The following PYGL variants were observed in gnomAD, a reference collection of about 807,000 sequenced individuals.
The protein encoded by PYGL is glycogen phosphorylase L.
PYGL carries 90 observed loss-of-function variants against 100.1 expected under a neutral mutation model. The ratio of observed to expected loss-of-function variants is 0.90; its 90% CI spans 0.76 to 1.07. The LOEUF is 1.07. Ranked by LOEUF, PYGL falls within the 50% of genes least tolerant of loss-of-function variation. The pLI is 0.00. For synonymous variants in PYGL, 373 were observed against 393.0 expected, an observed-to-expected ratio of 0.95 and a Z score of 0.60; for missense variants, 1,016 against 1,057.6, an observed-to-expected ratio of 0.96 and a Z score of 0.55.
At chr14:50,912,924 A>T (rs763155277) in intron 13 of PYGL, 105 bp downstream of exon 13, 25 of 1,068,572 alleles carry the variant, frequency 2.3e-5, no homozygotes, top group Non-Finnish European at 3.4e-5. Flanking sequence ...ACTGCACTCC[A>T]GCCTGGGCAA....
chr14:50,936,724 G>T (rs2050656205), intron 2 of PYGL, among the ~76,000 whole-genome samples: 1 of 151,932 alleles, frequency 6.6e-6, no homozygotes, highest in Non-Finnish European at 1.5e-5. Flanking sequence ...CTGGGAGGTG[G>T]AGATTGCAGG....
intron 13 of PYGL, 151 bp from the exon 14 acceptor site, chr14:50,912,454 A>G (rs374613912): frequency 9.0e-5 from 80 of 891,328 alleles, no homozygotes; most frequent in African/African-American, 8.1e-4. Flanking sequence ...CACCTCCCAC[A>G]TTCAAGCGAT....
chr14:50,907,471 C>G (rs933392504), intron 19 of PYGL, among the ~76,000 whole-genome samples: 1 of 152,124 alleles, frequency 6.6e-6, no homozygotes, highest in Non-Finnish European at 1.5e-5. Flanking sequence ...AGTGCGGGGG[C>G]TGGCATCTGT....
At chr14:50,906,305 A>T (rs2050336156) in intron 19 of PYGL, among the ~76,000 whole-genome samples, 1 of 152,242 alleles carries the variant, frequency 6.6e-6, no homozygotes, top group South Asian at 2.1e-4. Context: ...AATGCTTACG[A>T]GAAAGACTAA....
intron 5 of PYGL, chr14:50,921,398 CTT>C (rs765035529): frequency 1.8e-3 from 361 of 201,202 alleles, no homozygotes; most frequent in South Asian, 3.8e-3. Context: ...AAAAGTTTAT[CTT>C]TTTTTTTTTT....
At position 50,913,066 on chromosome 14, in the gene PYGL, T is replaced by C. The variant is rs772635162; in HGVS notation, c.1583A>G (p.Asp528Gly). Reference protein sequence around the residue: ...QLTKLHSFLGDDVFLRELAKV... With the variant: ...QLTKLHSFLGGDVFLRELAKV... The stretch of plus-strand genomic sequence containing the variant: ...GGCGAGTTCCCGGAGGAAGACATCA[T>C]CACCCAGGAAGCTGTGGAGCTTCGT... The change falls in exon 13 of 20, where the codon GAT (aspartate) becomes GGT (glycine). Residue 528 changes from aspartate (D) to glycine (G), a missense_variant. Physicochemically the swap from Asp to Gly is moderately conservative, Grantham distance 94 (BLOSUM62 -1). Transcript: ENST00000216392. 1 of 1,614,008 alleles carries C rather than the reference T, an allele frequency of 6.2e-7. No homozygotes were observed. The highest frequency in any genetic ancestry group is 1.1e-5 in the South Asian group (1 of 91,086).
chr14:50,913,626 G>A lies in PYGL; in HGVS notation c.1519-496C>T, dbSNP rs575337260. ...CCTGACCTTGTGATCTGCCCTCCTCGGCCTCCCAAAGTGCTGGGATTACAC... is the reference window on the plus strand; with the variant it reads ...CCTGACCTTGTGATCTGCCCTCCTCAGCCTCCCAAAGTGCTGGGATTACAC... On this transcript the variant is annotated intron_variant, in intron 12 of 19. Coordinates refer to ENST00000216392, the MANE Select transcript of PYGL (RefSeq NM_002863.5). Among the ~76,000 whole-genome samples the A allele has an allele frequency of 1.6e-4, 25 of 151,940 alleles. 1 individual carries two copies. The South Asian group carries it at 4.8e-3, about 29-fold the overall frequency.
intron 4 of PYGL, among the ~76,000 whole-genome samples, chr14:50,925,754 T>C (rs980746203): frequency 6.6e-6 from 1 of 152,172 alleles, no homozygotes; most frequent in African/African-American, 2.4e-5. Flanking sequence ...TAATGATGAA[T>C]GGAAATGGGA....
chr14:50,926,193 A>T (rs1213535560), intron 4 of PYGL, among the ~76,000 whole-genome samples: 2 of 152,076 alleles, frequency 1.3e-5, no homozygotes, highest in East Asian at 3.9e-4. Flanking sequence ...TCTAAAAAAA[A>T]TTTAAAAATT....
chr14:50,913,244 C>T (rs938588292), intron 12 of PYGL, 114 bp from the exon 13 acceptor site: 4 of 818,860 alleles, frequency 4.9e-6, no homozygotes, highest in Middle Eastern at 2.2e-4. Context: ...TCACGTATCA[C>T]ACAGAACATG....
Position 50,944,397 on chromosome 14 carries a change from T to C in PYGL, c.7A>G (p.Lys3Glu). Residue 3 changes from lysine to glutamate, a missense_variant, in exon 1 of 20, where the codon AAG (lysine) becomes GAG (glutamate). Lys to Glu is a moderately conservative substitution (Grantham distance 56). Transcript: ENST00000216392. ...CGCTTCTCCTGGTCCGTCAGGGGCT[T>C]CGCCATGGCTGGGGCGGCGGGCTGC... Reference protein sequence around the residue: MAKPLTDQEKRRQ... With the variant: MAEPLTDQEKRRQ... 1 of 1,610,934 alleles carries C rather than the reference T, an allele frequency of 6.2e-7. No homozygotes were observed. The highest frequency in any genetic ancestry group is 8.5e-7 in the Non-Finnish European group (1 of 1,179,104).
At chr14:50,917,489 T>C (rs531717943) in intron 7 of PYGL, among the ~76,000 whole-genome samples, 22 of 152,254 alleles carry the variant, frequency 1.4e-4, no homozygotes, top group African/African-American at 5.1e-4. Flanking sequence ...GGCTCAGGAA[T>C]TGGTAGTACC....
chr14:50,919,911 T>C (rs2050485470), intron 7 of PYGL, among the ~76,000 whole-genome samples: 2 of 152,164 alleles, frequency 1.3e-5, no homozygotes, highest in Admixed American at 1.3e-4. Context: ...CTCGAACTTC[T>C]GGCCTCAAAT....
chr14:50,929,160 C>T (rs1454071316), intron 4 of PYGL, among the ~76,000 whole-genome samples: 1 of 152,138 alleles, frequency 6.6e-6, no homozygotes, highest in Non-Finnish European at 1.5e-5. Flanking sequence ...AAGTGATTCT[C>T]CTGCCTCAGC....
At chr14:50,907,178 A>T (rs1489298793) in intron 19 of PYGL, among the ~76,000 whole-genome samples, 2 of 152,192 alleles carry the variant, frequency 1.3e-5, no homozygotes, top group African/African-American at 4.8e-5. Flanking sequence ...GCTTATTCAC[A>T]TGGCTCTACC....
At chr14:50,914,562 ATG>A in intron 12 of PYGL, 137 bp downstream of exon 12, 1 of 685,608 alleles carries the variant, frequency 1.5e-6, no homozygotes, top group Non-Finnish European at 2.7e-6. Context: ...TAAACCCAGC[ATG>A]GAGTCCTGTG....
chr14:50,937,792 G>T lies in PYGL; in HGVS notation c.289C>A (p.Gln97Lys). ...AGACCGAGGTTGATCATGGTGTTCTGTAATGTTCGGCCCATGTAAAATTCC... is the reference window on the plus strand; with the variant it reads ...AGACCGAGGTTGATCATGGTGTTCTTTAATGTTCGGCCCATGTAAAATTCC... ...SLEFYMGRTLQNTMINLGLQN... is the reference protein window; with the variant it reads ...SLEFYMGRTLKNTMINLGLQN... Residue 97 changes from glutamine to lysine, a missense_variant, in exon 2 of 20, where the codon CAG (glutamine) becomes AAG (lysine). Coordinates refer to ENST00000216392, the MANE Select transcript of PYGL (RefSeq NM_002863.5). 1 of 1,614,072 alleles carries T rather than the reference G, an allele frequency of 6.2e-7. No individual in the cohort carries two copies. Among genetic ancestry groups the T allele is most frequent in the Non-Finnish European group, 8.5e-7 (1 of 1,179,946 alleles).
At chr14:50,921,336 C>A in intron 5 of PYGL, 1 of 449,040 alleles carries the variant, frequency 2.2e-6, no homozygotes, top group Non-Finnish European at 4.1e-6. Context: ...TCCATGTGCC[C>A]TTGCCCTGAT....
chr14:50,909,751 C>A, intron 17 of PYGL, 144 bp downstream of exon 17: 1 of 912,036 alleles, frequency 1.1e-6, no homozygotes, highest in South Asian at 1.3e-5. Context: ...GCTCTCCTGC[C>A]TCATCGTGGG....
Sources: gnomAD v4.1 joint callset for allele counts (sites outside exome capture counted in the v4.1 genomes callset) on GRCh38, gnomAD v4.1.1 for gene constraint, MANE v1.5 for transcripts, NCBI Gene and HGNC (gene_info 2026-07-23, HGNC 2026-07-21) for gene names.